DISC1: variants seen among roughly 807,000 people sequenced by gnomAD.
The protein encoded by DISC1 is DISC1 scaffold protein.
DISC1 carries 57 observed loss-of-function variants against 84.5 expected under a neutral mutation model. The observed-to-expected ratio is 0.67, with a 90% CI of 0.55 to 0.84. The LOEUF (loss-of-function observed/expected upper bound fraction) is 0.84, where lower values mean the gene tolerates loss of function less well. Ranked by LOEUF, DISC1 falls within the 40% of genes least tolerant of loss-of-function variation. DISC1 has a pLI of 0.00. For missense variants in DISC1, 1,000 were observed against 1,057.8 expected, an observed-to-expected ratio of 0.95 and a Z score of 0.76; for synonymous variants, 411 against 415.2, an observed-to-expected ratio of 0.99 and a Z score of 0.12.
chr1:231,776,903 G>C (rs1324902874), intron 6 of DISC1, among the ~76,000 whole-genome samples: 2 of 152,192 alleles, frequency 1.3e-5, no homozygotes, highest in African/African-American at 4.8e-5. Flanking sequence ...CAGCTGTGTG[G>C]GAGGGGTCCC....
At chr1:231,904,136 G>A (rs1012090881) in intron 9 of DISC1, among the ~76,000 whole-genome samples, 9 of 152,120 alleles carry the variant, frequency 5.9e-5, no homozygotes, top group African/African-American at 2.2e-4. Flanking sequence ...TTCATCTATG[G>A]CACCTTTGAG....
At chr1:232,026,762 C>CTTTTTTTTTTTTTTTTTTT (rs545455868) in intron 12 of DISC1, among the ~76,000 whole-genome samples, 2 of 110,876 alleles carry the variant, frequency 1.8e-5, no homozygotes, top group Middle Eastern at 5.2e-3. Context: ...TTTCTTTTTT[C>CTTTTTTTTTTTTTTTTTTT]TTTTTTTTTT....
intron 12 of DISC1, among the ~76,000 whole-genome samples, chr1:232,032,471 T>G (rs1486693755): frequency 6.6e-6 from 1 of 152,218 alleles, no homozygotes; most frequent in Non-Finnish European, 1.5e-5. Context: ...TTTTAACAAG[T>G]TACATGCTTA....
intron 3 of DISC1, among the ~76,000 whole-genome samples, chr1:231,715,532 T>C (rs1221263606): frequency 6.6e-6 from 1 of 152,158 alleles, no homozygotes; most frequent in Admixed American, 6.5e-5. Context: ...ACTGTGGCTG[T>C]TTTTCCGGGA....
chr1:231,691,917 A>T (rs977917156), intron 1 of DISC1, among the ~76,000 whole-genome samples: 1 of 152,122 alleles, frequency 6.6e-6, no homozygotes, highest in Non-Finnish European at 1.5e-5. Flanking sequence ...TGTACATCTC[A>T]TCACATCCTT....
At chr1:231,756,066 C>T (rs2075081804) in intron 4 of DISC1, among the ~76,000 whole-genome samples, 1 of 152,196 alleles carries the variant, frequency 6.6e-6, no homozygotes, top group Non-Finnish European at 1.5e-5. Flanking sequence ...CCCAGCTGCC[C>T]AGCATTTAAC....
At chr1:231,852,169 T>A (rs2125902176) in intron 9 of DISC1, among the ~76,000 whole-genome samples, 1 of 152,328 alleles carries the variant, frequency 6.6e-6, no homozygotes, top group Non-Finnish European at 1.5e-5. Context: ...ACCAGTCGGC[T>A]CGTCTCCAAA....
intron 9 of DISC1, among the ~76,000 whole-genome samples, chr1:231,876,126 G>A (rs1211519061): frequency 6.6e-6 from 1 of 152,212 alleles, no homozygotes; most frequent in African/African-American, 2.4e-5. Flanking sequence ...AATCTTCAGT[G>A]TTGGAGGTAG....
intron 6 of DISC1, among the ~76,000 whole-genome samples, chr1:231,787,789 G>A (rs1211776397): frequency 6.6e-6 from 1 of 152,140 alleles, no homozygotes; most frequent in African/African-American, 2.4e-5. Context: ...CTAGAGGCAG[G>A]CTCCCAGATG....
chr1:231,737,734 G>A (rs569088207), intron 3 of DISC1, among the ~76,000 whole-genome samples: 1 of 152,222 alleles, frequency 6.6e-6, no homozygotes, highest in Non-Finnish European at 1.5e-5. Context: ...AAAGTCACAA[G>A]TATGCTACAA....
intron 9 of DISC1, among the ~76,000 whole-genome samples, chr1:231,848,504 A>G (rs2083622890): frequency 6.6e-6 from 1 of 152,196 alleles, no homozygotes; most frequent in Admixed American, 6.5e-5. Flanking sequence ...GGTCCTGGGT[A>G]GCCTGAGAAT....
chr1:231,777,964 A>G (rs903440564), intron 6 of DISC1, among the ~76,000 whole-genome samples: 11 of 152,196 alleles, frequency 7.2e-5, no homozygotes, highest in Non-Finnish European at 1.5e-4. Flanking sequence ...GATGGTTCAC[A>G]CTGATGGCCT....
chr1:231,891,880 G>A (rs551385243), intron 9 of DISC1, among the ~76,000 whole-genome samples: 11 of 152,220 alleles, frequency 7.2e-5, no homozygotes, highest in African/African-American at 1.7e-4. Flanking sequence ...CATAACCTGC[G>A]GCCTTCCCCT....
intron 9 of DISC1, among the ~76,000 whole-genome samples, chr1:231,861,230 G>C (rs74144152): frequency 0.052 from 7,966 of 152,100 alleles, 692 homozygotes; most frequent in African/African-American, 0.18. Flanking sequence ...TTGAGAGTGT[G>C]CTTCGGGTGG....
At chr1:231,688,379 A>G (rs1394670092) in intron 1 of DISC1, among the ~76,000 whole-genome samples, 2 of 152,212 alleles carry the variant, frequency 1.3e-5, no homozygotes, top group South Asian at 4.1e-4. Context: ...TCTGAGTTCA[A>G]ACTGACTAAC....
chr1:231,858,592 C>T (rs2084425298), intron 9 of DISC1, among the ~76,000 whole-genome samples: 2 of 152,210 alleles, frequency 1.3e-5, no homozygotes, highest in African/African-American at 4.8e-5. Context: ...TACTATTCCA[C>T]ACACTCGCTG....
chr1:231,663,284 A>G (rs979695183), intron 1 of DISC1, among the ~76,000 whole-genome samples: 2 of 152,218 alleles, frequency 1.3e-5, no homozygotes, highest in Non-Finnish European at 2.9e-5. Flanking sequence ...CAAAACATAT[A>G]TGCACCAAAC....
At chr1:231,854,931 G>A (rs748518465) in intron 9 of DISC1, 1 of 650,968 alleles carries the variant, frequency 1.5e-6, no homozygotes, top group South Asian at 1.8e-5. Context: ...GACCAGACTG[G>A]TCTAAAACTC....
intron 9 of DISC1, among the ~76,000 whole-genome samples, chr1:231,885,809 G>T (rs1047637399): frequency 3.3e-5 from 5 of 152,200 alleles, no homozygotes; most frequent in African/African-American, 1.2e-4. Context: ...GAACTGTGTG[G>T]AGCTCGAGCT....
Sources: gnomAD v4.1 joint callset for allele counts (sites outside exome capture counted in the v4.1 genomes callset) on GRCh38, gnomAD v4.1.1 for gene constraint, MANE v1.5 for transcripts, NCBI Gene and HGNC (gene_info 2026-07-23, HGNC 2026-07-21) for gene names.